STK11IP: variants seen among roughly 807,000 people sequenced by gnomAD.
STK11IP encodes serine/threonine kinase 11 interacting protein, also known as serine/threonine-protein kinase 11-interacting protein.
Under a neutral mutation model 131.7 loss-of-function variants are expected in STK11IP, and 103 were observed. That is an observed-to-expected ratio of 0.78 (90% confidence interval 0.67 to 0.92). The LOEUF is 0.92. Ranked by LOEUF, STK11IP falls within the 40% of genes least tolerant of loss-of-function variation. The pLI is 0.00. For missense variants in STK11IP, 1,315 were observed against 1,385.7 expected (o/e 0.95, Z 0.81); for synonymous variants, 557 against 575.6 (o/e 0.97, Z 0.46).
At position 219,613,016 on chromosome 2, in the gene STK11IP, G is replaced by A; in HGVS notation, c.2440-112G>A. The A allele has an allele frequency of 4.2e-6, 3 of 717,544 alleles. No individual in the cohort carries two copies. The South Asian group carries it at 4.9e-5, about 12-fold the overall frequency. The allele number at this position is 717,544 out of a possible 1,614,324, so 44.4% of individuals were successfully genotyped here. On this transcript the variant is annotated intron_variant, in intron 19 of 24. Transcript: ENST00000456909. Reference sequence around the variant, plus strand: ...AGGGAAGCTCCATAGACTGGTGGGTGGGCAGTGGGAGGGTCAGGCCGAGGG... The same window carrying A: ...AGGGAAGCTCCATAGACTGGTGGGTAGGCAGTGGGAGGGTCAGGCCGAGGG...
intron 2 of STK11IP, among the ~76,000 whole-genome samples, chr2:219,600,059 G>GTTTTTTTTTTTTTTT (rs57060581): frequency 1.1e-5 from 1 of 91,700 alleles, no homozygotes; most frequent in Non-Finnish European, 2.1e-5. Context: ...TTTTGTTTTT[G>GTTTTTTTTTTTTTTT]TTTTTTTTTT....
At chr2:219,598,250 C>A (rs376770718) in intron 2 of STK11IP, 70 bp downstream of exon 2, 3 of 1,190,166 alleles carry the variant, frequency 2.5e-6, no homozygotes, top group Non-Finnish European at 3.5e-6. Context: ...TCTGGAGACA[C>A]GCCCTGAGAG....
intron 11 of STK11IP, 53 bp downstream of exon 11, chr2:219,606,570 G>A (rs1329713245): frequency 2.9e-5 from 46 of 1,610,308 alleles, no homozygotes; most frequent in Admixed American, 2.0e-4. Flanking sequence ...AAGGGAGGGC[G>A]CTGGGGAGAG....
chr2:219,613,617 TGA>T, intron 20 of STK11IP, 133 bp from the exon 21 acceptor site: 1 of 789,782 alleles, frequency 1.3e-6, no homozygotes, highest in Non-Finnish European at 1.9e-6. Flanking sequence ...GGAGATGGAA[TGA>T]GGGGGAAGAT....
chr2:219,608,778 C>T lies in STK11IP; in HGVS notation c.1799C>T (p.Pro600Leu). The T allele has an allele frequency of 1.2e-5, 19 of 1,604,094 alleles. No homozygotes were observed. Among genetic ancestry groups the T allele is most frequent in the Non-Finnish European group, 1.6e-5 (19 of 1,176,160 alleles). The change falls in exon 15 of 25, where the codon CCC (proline) becomes CTC (leucine). Residue 600 changes from proline (P) to leucine (L), a missense_variant. Coordinates refer to ENST00000456909, the MANE Select transcript of STK11IP (RefSeq NM_052902.4). ...IEPEAQAQRS[P>L]RPTGSDLLPG... ...CCGGAGGCCCAGGCCCAGAGGTCGC[C>T]CAGGCCCACGGTGAGTGGGGCGTGG... is the stretch of plus-strand genomic sequence containing the variant.
Position 219,605,966 on chromosome 2 carries a change from G to C in STK11IP, c.756G>C (p.Gln252His), listed in dbSNP as rs778658741. 6.2e-7 allele frequency: 1 copy of C among 1,604,794 alleles called. No individual in the cohort carries two copies. Among genetic ancestry groups the C allele is most frequent in the African/African-American group, 1.3e-5 (1 of 74,914 alleles). The change falls in exon 9 of 25, where the codon CAG (glutamine) becomes CAC (histidine). Residue 252 changes from glutamine to histidine, a missense_variant. Gln to His is a conservative substitution (Grantham distance 24). Transcript: ENST00000456909. ...TTGCGTCCACCCCAGGCCTAGAGCAGCTGAGGAATCTGCGGCACCTGGATT... is the reference window on the plus strand; with the variant it reads ...TTGCGTCCACCCCAGGCCTAGAGCACCTGAGGAATCTGCGGCACCTGGATT... Reference protein sequence around the residue: ...NELRSLHGLEQLRNLRHLDLA... With the variant: ...NELRSLHGLEHLRNLRHLDLA...
At chr2:219,606,086 G>T in intron 9 of STK11IP, 27 bp downstream of exon 9, 1 of 1,571,914 alleles carries the variant, frequency 6.4e-7, no homozygotes, top group East Asian at 2.3e-5. Context: ...TCAGGGGCCT[G>T]GGAACCACCC....
At chr2:219,615,921 C>A in intron 24 of STK11IP, 123 bp from the exon 25 acceptor site, 3 of 1,256,216 alleles carry the variant, frequency 2.4e-6, no homozygotes, top group South Asian at 1.4e-5. Context: ...GTGACATGGG[C>A]CTGGGGAAGG....
At chr2:219,611,539 G>A (rs1698394202) in intron 17 of STK11IP, 65 bp from the exon 18 acceptor site, 2 of 1,345,866 alleles carry the variant, frequency 1.5e-6, no homozygotes, top group Admixed American at 1.7e-5. Flanking sequence ...GGAGCATCGT[G>A]AGCATGGTGG....
In STK11IP at chr2:219,605,853, G is replaced by A. The variant is rs549857197; in HGVS notation, c.746-103G>A. The A allele has an allele frequency of 1.4e-4, 201 of 1,481,848 alleles. No homozygotes were observed. In the South Asian group the frequency reaches 2.3e-3, roughly 17 times the overall value. 91.8% of individuals were successfully genotyped at this position (1,481,848 alleles called of 1,614,324 possible). On this transcript the variant is annotated intron_variant, in intron 8 of 24. Transcript: ENST00000456909. ...GAGGGCTTATGGGGAGTGCAGGGGT[G>A]CTCTGGCCGGTCTTTCTGCTGCAAC... is the stretch of plus-strand genomic sequence containing the variant.
At chr2:219,611,310 G>A (rs982961662) in intron 17 of STK11IP, among the ~76,000 whole-genome samples, 1 of 152,218 alleles carries the variant, frequency 6.6e-6, no homozygotes, top group Non-Finnish European at 1.5e-5. Flanking sequence ...GAGGGCATAA[G>A]AGCAGGTCCT....
intron 23 of STK11IP, 196 bp from the exon 24 acceptor site, chr2:219,614,898 A>G: frequency 1.5e-6 from 1 of 662,102 alleles, no homozygotes. Context: ...GGGGGGCGGT[A>G]GGCCTCAGAG....
At chr2:219,602,438 G>A (rs1027785476) in intron 5 of STK11IP, 30 bp from the exon 6 acceptor site, 2 of 1,550,540 alleles carry the variant, frequency 1.3e-6, no homozygotes, top group African/African-American at 1.4e-5. Context: ...GGGGAGGGTG[G>A]GGTAATGAAG....
At chr2:219,613,068 G>A in intron 19 of STK11IP, 60 bp from the exon 20 acceptor site, 1 of 1,441,768 alleles carries the variant, frequency 6.9e-7, no homozygotes, top group South Asian at 1.2e-5. Flanking sequence ...TCGGCTTTCA[G>A]TCTGGCCCCA....
In STK11IP at chr2:219,606,178, C is replaced by T. The variant is rs200275581; in HGVS notation, c.850-17C>T. 1.9e-6 allele frequency: 3 copies of T among 1,555,842 alleles called. No individual in the cohort carries two copies. Among genetic ancestry groups the T allele is most frequent in the African/African-American group, 1.4e-5 (1 of 73,272 alleles). On this transcript the variant is annotated splice_polypyrimidine_tract_variant and intron_variant, in intron 9 of 24. Coordinates refer to ENST00000456909, the MANE Select transcript of STK11IP (RefSeq NM_052902.4). ...AGGGCCCCAGGCCCTCCTCATTCTCCCCTTCCTGCCCCTCAGCTCTACCTG... is the reference window on the plus strand; with the variant it reads ...AGGGCCCCAGGCCCTCCTCATTCTCTCCTTCCTGCCCCTCAGCTCTACCTG...
rs1574633505 is a variant in STK11IP, at chr2:219,614,462, C to T, written c.2799-14C>T. 5.0e-6 allele frequency: 8 copies of T among 1,613,492 alleles called. No individual in the cohort carries two copies. Among genetic ancestry groups the T allele is most frequent in the Middle Eastern group, 1.7e-4 (1 of 6,018 alleles). Reference sequence around the variant, plus strand: ...CGCTAGCTGATCTTCCTGTGCCTGCCATATTCCCTCTAGGCCATTGCTGGA... The same window carrying T: ...CGCTAGCTGATCTTCCTGTGCCTGCTATATTCCCTCTAGGCCATTGCTGGA... On this transcript the variant is annotated splice_polypyrimidine_tract_variant and intron_variant, in intron 22 of 24. Coordinates refer to ENST00000456909, the MANE Select transcript of STK11IP (RefSeq NM_052902.4).
At chr2:219,604,766 T>C (rs1698095787) in intron 7 of STK11IP, among the ~76,000 whole-genome samples, 1 of 152,100 alleles carries the variant, frequency 6.6e-6, no homozygotes, top group African/African-American at 2.4e-5. Context: ...TAGACAGTGT[T>C]GCAGTCACGG....
At chr2:219,604,013 T>G (rs1378221733) in intron 7 of STK11IP, among the ~76,000 whole-genome samples, 3 of 151,790 alleles carry the variant, frequency 2.0e-5, no homozygotes, top group Non-Finnish European at 2.9e-5. Flanking sequence ...GAAGTGGAGG[T>G]TGATTCACAT....
Position 219,613,911 on chromosome 2 carries a change from C to CT in STK11IP, c.2699dup (p.Leu901ProfsTer6), listed in dbSNP as rs1410699375. 2 of 1,418,884 alleles carry CT rather than the reference C, an allele frequency of 1.4e-6. No individual in the cohort carries two copies. Among genetic ancestry groups the CT allele is most frequent in the Non-Finnish European group, 1.9e-6 (2 of 1,057,944 alleles). The allele number at this position is 1,418,884 out of a possible 1,614,324, so 87.9% of individuals were successfully genotyped here. A position where few individuals can be genotyped will look rare whatever the true frequency, so the allele number is the denominator to read the frequency against. On this transcript the variant is annotated frameshift_variant, in exon 21 of 25. Transcript: ENST00000456909. LOFTEE classifies it high-confidence loss of function. Reference sequence around the variant, plus strand: ...CCCGAGATGCCAGGCATTGCCGGGCCTTCCTAGAGGAGCTCCTTGGTGAGA... The same window carrying CT: ...CCCGAGATGCCAGGCATTGCCGGGCCTTTCCTAGAGGAGCTCCTTGGTGAGA...
Sources: allele counts gnomAD v4.1 joint callset (sites outside exome capture counted in the v4.1 genomes callset), GRCh38; gene constraint gnomAD v4.1.1; transcripts MANE v1.5; gene names NCBI Gene and HGNC (gene_info 2026-07-23, HGNC 2026-07-21).